The following LDLRAD3 variants were observed in gnomAD, a reference collection of about 807,000 sequenced individuals.
LDLRAD3 encodes the protein low-density lipoprotein receptor class A domain-containing protein 3.
A neutral mutation model predicts 29.4 loss-of-function variants in LDLRAD3; 20 were observed. That is an observed-to-expected ratio of 0.68 (90% CI 0.48 to 0.99). The LOEUF (loss-of-function observed/expected upper bound fraction) is 0.99. Among genes scored for constraint, LDLRAD3 ranks in the 50% least tolerant of loss-of-function variants. LDLRAD3 has a pLI of 0.00. For missense variants in LDLRAD3, 420 were observed against 454.3 expected (o/e 0.92, Z 0.69); for synonymous variants, 157 against 192.7 (o/e 0.81, Z 1.53).
chr11:35,954,323 C>T (rs1012047909), intron 1 of LDLRAD3, among the ~76,000 whole-genome samples: 1 of 152,162 alleles, frequency 6.6e-6, no homozygotes, highest in African/African-American at 2.4e-5. Flanking sequence ...TAAAAGTACC[C>T]ATAAAATGTG....
chr11:35,999,068 G>A (rs1440024627), intron 1 of LDLRAD3, among the ~76,000 whole-genome samples: 5 of 152,202 alleles, frequency 3.3e-5, no homozygotes, highest in African/African-American at 1.2e-4. Flanking sequence ...CTGCTTTTAA[G>A]GAGCTCACAG....
At chr11:36,124,047 G>A (rs940427941) in intron 4 of LDLRAD3, among the ~76,000 whole-genome samples, 1 of 152,216 alleles carries the variant, frequency 6.6e-6, no homozygotes. Flanking sequence ...GTCAGGGAAT[G>A]CTTAATTATA....
At chr11:36,227,834 C>A (rs1276771136) in intron 5 of LDLRAD3, among the ~76,000 whole-genome samples, 5 of 152,178 alleles carry the variant, frequency 3.3e-5, no homozygotes, top group African/African-American at 1.2e-4. Context: ...TAGCTCTGAG[C>A]CTCACCTGCT....
intron 1 of LDLRAD3, among the ~76,000 whole-genome samples, chr11:36,030,532 A>G (rs1852223721): frequency 6.6e-6 from 1 of 151,834 alleles, no homozygotes. Context: ...GCCTCATGAC[A>G]CTATGTTTGT....
chr11:36,153,942 GTTC>G (rs1854310542), intron 4 of LDLRAD3, among the ~76,000 whole-genome samples: 2 of 152,136 alleles, frequency 1.3e-5, no homozygotes, highest in African/African-American at 2.4e-5. Flanking sequence ...CAAGGATACT[GTTC>G]TTCTAAGTTT....
chr11:35,952,325 T>A lies in LDLRAD3; in HGVS notation c.46+8181T>A, dbSNP rs546073591. ...AAGAATTGCACCGTCTACCTTGTGC[T>A]GGAGAATTCCAGCATTGCATAGGGA... On this transcript the variant is annotated intron_variant, in intron 1 of 5. Transcript: ENST00000315571. Among the ~76,000 whole-genome samples, 4 of 152,338 alleles carry A rather than the reference T, an allele frequency of 2.6e-5. No individual in the cohort carries two copies. In the South Asian group the frequency reaches 8.3e-4, roughly 32 times the overall value.
chr11:36,177,927 A>G (rs796646316), intron 4 of LDLRAD3, among the ~76,000 whole-genome samples: 1 of 152,286 alleles, frequency 6.6e-6, no homozygotes, highest in African/African-American at 2.4e-5. Flanking sequence ...TAGAGCTCCT[A>G]AGAGATTATG....
intron 4 of LDLRAD3, 110 bp downstream of exon 4, chr11:36,098,571 TGTTA>T: frequency 7.7e-7 from 1 of 1,295,244 alleles, no homozygotes. Flanking sequence ...ACAATAGCTC[TGTTA>T]GTTTTTGCAC....
At chr11:36,224,913 C>G (rs1855479204) in intron 4 of LDLRAD3, among the ~76,000 whole-genome samples, 2 of 152,190 alleles carry the variant, frequency 1.3e-5, no homozygotes, top group Non-Finnish European at 2.9e-5. Flanking sequence ...ATTCACCTCT[C>G]TGAGTCAATT....
intron 4 of LDLRAD3, among the ~76,000 whole-genome samples, chr11:36,214,050 C>T (rs1049720896): frequency 7.9e-5 from 12 of 152,316 alleles, no homozygotes; most frequent in South Asian, 2.1e-4. Context: ...ATTTTAATCC[C>T]GCTGTCCCTT....
At chr11:36,070,345 T>C (rs1852877542) in intron 2 of LDLRAD3, among the ~76,000 whole-genome samples, 1 of 152,240 alleles carries the variant, frequency 6.6e-6, no homozygotes, top group Non-Finnish European at 1.5e-5. Context: ...ACCGTTTGTA[T>C]ATGAGCCCAC....
intron 1 of LDLRAD3, among the ~76,000 whole-genome samples, chr11:35,974,113 T>C (rs963610390): frequency 6.6e-5 from 10 of 152,322 alleles, no homozygotes; most frequent in East Asian, 1.9e-4. Context: ...GTTGCAGATA[T>C]ATTTTCTCTC....
chr11:36,049,519 AG>A (rs1468780266), intron 2 of LDLRAD3, among the ~76,000 whole-genome samples: 1 of 152,218 alleles, frequency 6.6e-6, no homozygotes, highest in Non-Finnish European at 1.5e-5. Flanking sequence ...TGAAGTCAAA[AG>A]GTAACTGCAT....
intron 1 of LDLRAD3, chr11:35,967,725 G>A (rs1851359957): frequency 2.1e-6 from 1 of 476,428 alleles, no homozygotes; most frequent in Non-Finnish European, 4.3e-6. Flanking sequence ...CTGTATTTAA[G>A]TTCAAGGGAA....
At chr11:36,191,126 C>A (rs55638033) in intron 4 of LDLRAD3, among the ~76,000 whole-genome samples, 4,321 of 152,198 alleles carry the variant, frequency 0.028, 198 homozygotes, top group African/African-American at 0.093. Context: ...GAAAAGGAGC[C>A]TCTGGAATGA....
At chr11:36,187,598 A>T (rs1196113674) in intron 4 of LDLRAD3, among the ~76,000 whole-genome samples, 2 of 152,204 alleles carry the variant, frequency 1.3e-5, no homozygotes, top group Non-Finnish European at 2.9e-5. Flanking sequence ...TGAGAAGCAG[A>T]CACATTGTGA....
intron 1 of LDLRAD3, among the ~76,000 whole-genome samples, chr11:35,998,428 G>C (rs571817330): frequency 3.4e-4 from 52 of 152,242 alleles, no homozygotes; most frequent in African/African-American, 1.2e-3. Context: ...TCCCTGCCAG[G>C]CTCCTTTCAG....
At chr11:36,180,884 T>G (rs535238895) in intron 4 of LDLRAD3, among the ~76,000 whole-genome samples, 1 of 151,782 alleles carries the variant, frequency 6.6e-6, no homozygotes, top group African/African-American at 2.4e-5. Context: ...TGATGTAGAG[T>G]GTGAGAGAAT....
At chr11:36,000,886 G>A (rs1036089818) in intron 1 of LDLRAD3, among the ~76,000 whole-genome samples, 3 of 152,090 alleles carry the variant, frequency 2.0e-5, no homozygotes, top group Non-Finnish European at 2.9e-5. Flanking sequence ...AGAGGTGGGC[G>A]GGTAGGGGAT....
Sources: allele counts gnomAD v4.1 joint callset (sites outside exome capture counted in the v4.1 genomes callset), GRCh38; gene constraint gnomAD v4.1.1; transcripts MANE v1.5; gene names NCBI Gene and HGNC (gene_info 2026-07-23, HGNC 2026-07-21).